Variants in GZMH observed in about 807,000 individuals in gnomAD.
GZMH encodes the protein granzyme H.
Under a neutral mutation model 20.7 loss-of-function variants are expected in GZMH, and 24 were observed. The observed-to-expected ratio is 1.16, with a 90% CI of 0.84 to 1.63. The LOEUF (loss-of-function observed/expected upper bound fraction) is 1.63, where lower values mean the gene tolerates loss of function less well. Ranked by LOEUF, GZMH falls within the 40% of genes most tolerant of loss-of-function variation. The probability of loss-of-function intolerance (pLI) is 0.00; values close to 1 mark genes in which losing one functional copy is unlikely to be tolerated. For synonymous variants in GZMH, 119 were observed against 116.1 expected (o/e 1.02, Z -0.16); for missense variants, 344 against 302.7 (o/e 1.14, Z -1.01).
In GZMH at chr14:24,607,346, C is replaced by A. The variant is rs2138479582; in HGVS notation, c.400G>T (p.Ala134Ser). Residue 134 changes from alanine to serine, a missense_variant, in exon 4 of 5, where the codon GCC (alanine) becomes TCC (serine). Ala to Ser is a moderately conservative substitution (Grantham distance 99). Coordinates refer to ENST00000216338, the MANE Select transcript of GZMH (RefSeq NM_033423.5). ...VRPLRLPSSK[A>S]QVKPGQLCSV... ...CACAGCTGCCCTGGCTTCACCTGGG[C>A]CTTGCTGCTAGGTAGCCTGAGAGGC... The A allele has an allele frequency of 1.9e-6, 3 of 1,611,856 alleles. No homozygotes were observed. The South Asian group carries it at 3.3e-5, about 18-fold the overall frequency.
chr14:24,609,512 A>C, intron 1 of GZMH, 47 bp downstream of exon 1: 53 of 1,191,752 alleles, frequency 4.4e-5, no homozygotes, highest in Non-Finnish European at 5.4e-5. Flanking sequence ...GGTACAGGGT[A>C]TCTTATAAGA....
chr14:24,606,608 G>T lies in GZMH; in HGVS notation c.736C>A (p.Leu246Ile), dbSNP rs748821164. ...LPWIKRTMKR[L>I] Reference sequence around the variant, plus strand: ...GGTTAGTCTCATGCCTGCTGTTAGAGGCGCTTCATTGTTCTCTTTATCCAG... The same window carrying T: ...GGTTAGTCTCATGCCTGCTGTTAGATGCGCTTCATTGTTCTCTTTATCCAG... The change falls in exon 5 of 5, where the codon CTC becomes ATC. Residue 246 changes from leucine to isoleucine, a missense_variant. Coordinates refer to ENST00000216338, the MANE Select transcript of GZMH (RefSeq NM_033423.5). The T allele has an allele frequency of 6.2e-7, 1 of 1,613,062 alleles. No individual in the cohort carries two copies.
In GZMH at chr14:24,607,182, C is replaced by T. The variant is rs2066875356; in HGVS notation, c.564G>A (p.Val188=). Residue 188 remains valine (V), a synonymous_variant, in exon 4 of 5, where the codon GTG becomes GTA. Transcript: ENST00000216338. ...CGGTCTGTGTCTTCTTTGGATCCCC[C>T]ACACAAATCTCAGTGGCTCTGCTGT... The part of the protein sequence containing the change: ...GNYSRATEIC[V]GDPKKTQTGF... The T allele has an allele frequency of 3.1e-6, 5 of 1,613,908 alleles. No homozygotes were observed. Among genetic ancestry groups the T allele is most frequent in the Admixed American group, 1.7e-5 (1 of 60,022 alleles).
rs767704633 is a variant in GZMH at position 24,606,733 on chromosome 14, C to A, written c.611G>T (p.Gly204Val). 1 of 1,613,386 alleles carries A rather than the reference C, an allele frequency of 6.2e-7. No homozygotes were observed. The highest frequency in any genetic ancestry group is 8.5e-7 in the Non-Finnish European group (1 of 1,179,700). The change falls in exon 5 of 5, where the codon GGG becomes GTG. Residue 204 changes from glycine to valine, a missense_variant. Physicochemically the swap from Gly to Val is moderately radical, Grantham distance 109 (BLOSUM62 -3). Coordinates refer to ENST00000216338, the MANE Select transcript of GZMH (RefSeq NM_033423.5). ...GGCTACGTCCTTACACACGAGGGGC[C>A]CCCCGGAGTCCCCCTGTGAACAGAG... ...TQTGFKGDSG[G>V]PLVCKDVAQG...
intron 4 of GZMH, 34 bp downstream of exon 4, chr14:24,607,115 T>A (rs775618039): frequency 1.9e-6 from 3 of 1,594,196 alleles, no homozygotes; most frequent in African/African-American, 1.3e-5. Context: ...CCTCTCTCCC[T>A]GTGGTCTTTC....
At position 24,607,596 on chromosome 14, in the gene GZMH, C is replaced by G; in HGVS notation, c.339+16G>C. 1 of 1,611,874 alleles carries G rather than the reference C, an allele frequency of 6.2e-7. No homozygotes were observed. Among genetic ancestry groups the G allele is most frequent in the East Asian group, 2.2e-5 (1 of 44,884 alleles). On this transcript the variant is annotated intron_variant, in intron 3 of 4. Coordinates refer to ENST00000216338, the MANE Select transcript of GZMH (RefSeq NM_033423.5). ...ACTGGACCAAGAAGAGCAAGAGTGG[C>G]AGGAGTGTGCCTCACCTGCAGTAGC... is the stretch of plus-strand genomic sequence containing the variant.
At chr14:24,609,117 T>C (rs901342793) in intron 1 of GZMH, among the ~76,000 whole-genome samples, 9 of 152,202 alleles carry the variant, frequency 5.9e-5, no homozygotes, top group Admixed American at 2.6e-4. Flanking sequence ...TTGCCATCTC[T>C]GAGATCAGTT....
intron 1 of GZMH, 25 bp downstream of exon 1, chr14:24,609,534 C>A (rs373901369): frequency 1.9e-6 from 3 of 1,564,216 alleles, no homozygotes. Context: ...GGGTTCAGGC[C>A]TCTGGAATAG....
chr14:24,608,256 G>T lies in GZMH; in HGVS notation c.203+9C>A, dbSNP rs750675773. 5.6e-6 allele frequency: 9 copies of T among 1,613,900 alleles called. No homozygotes were observed. Among genetic ancestry groups the T allele is most frequent in the Admixed American group, 3.3e-5 (2 of 60,004 alleles). Reference sequence around the variant, plus strand: ...GGAACTCAGGAGGTGAGCTGGTGCTGCTCCTTACCTTCCCTGGCAGTGAGC... The same window carrying T: ...GGAACTCAGGAGGTGAGCTGGTGCTTCTCCTTACCTTCCCTGGCAGTGAGC... On this transcript the variant is annotated intron_variant, in intron 2 of 4. Coordinates refer to ENST00000216338, the MANE Select transcript of GZMH (RefSeq NM_033423.5).
chr14:24,607,464 CA>C (rs1287694936), intron 3 of GZMH, 58 bp from the exon 4 acceptor site: 42 of 1,575,768 alleles, frequency 2.7e-5, no homozygotes, highest in Non-Finnish European at 3.6e-5. Context: ...GGCCCCGACA[CA>C]GTGATGGGGC....
rs777783341 is a variant in GZMH, at chr14:24,609,657, C to A, written c.-44G>T. 2 of 1,459,202 alleles carry A rather than the reference C, an allele frequency of 1.4e-6. No individual in the cohort carries two copies. The highest frequency in any genetic ancestry group is 1.2e-5 in the South Asian group (1 of 84,732). The allele number at this position is 1,459,202 out of a possible 1,614,324, so 90.4% of individuals were successfully genotyped here. ...CAGGTCAGAGCTGTTGGTGTTGACT[C>A]CTTCCAGAAACAAATGCTGGAGGGA... is the stretch of plus-strand genomic sequence containing the variant. On this transcript the variant is annotated 5_prime_UTR_variant, in exon 1 of 5. Coordinates refer to ENST00000216338, the MANE Select transcript of GZMH (RefSeq NM_033423.5).
Position 24,607,361 on chromosome 14 carries a change from G to T in GZMH, c.385C>A (p.Leu129Ile). Residue 129 changes from leucine to isoleucine, a missense_variant, in exon 4 of 5, where the codon CTA becomes ATA. Physicochemically the swap from Leu to Ile is conservative, Grantham distance 5 (BLOSUM62 2). Transcript: ENST00000216338. ...TTCACCTGGGCCTTGCTGCTAGGTA[G>T]CCTGAGAGGCCGCACAGCTGTGGTC... The part of the protein sequence containing the change: ...KWTTAVRPLR[L>I]PSSKAQVKPG... 6.2e-7 allele frequency: 1 copy of T among 1,609,014 alleles called. No individual in the cohort carries two copies. Among genetic ancestry groups the T allele is most frequent in the East Asian group, 2.2e-5 (1 of 44,704 alleles).
At chr14:24,608,527 G>A (rs1365784680) in intron 1 of GZMH, 115 bp from the exon 2 acceptor site, 4 of 1,170,244 alleles carry the variant, frequency 3.4e-6, no homozygotes, top group Non-Finnish European at 5.0e-6. Context: ...CAGTGAGGGA[G>A]GGGTCCTCCT....
chr14:24,607,800 A>T (rs945999217), intron 2 of GZMH, 53 bp from the exon 3 acceptor site: 5 of 1,613,240 alleles, frequency 3.1e-6, no homozygotes, highest in Admixed American at 1.7e-5. Context: ...GATAGAGCCC[A>T]GGAGCAGTGA....
At position 24,607,749 on chromosome 14, in the gene GZMH, TG is replaced by T. The variant is rs902028054; in HGVS notation, c.204-3del. Reference sequence around the variant, plus strand: ...GCCCCCAAGGTGACATTTATGGAGCTGCACAGAGAGCAGAGTGAGGATGGGG... The same window carrying T: ...GCCCCCAAGGTGACATTTATGGAGCTCACAGAGAGCAGAGTGAGGATGGGG... On this transcript the variant is annotated splice_region_variant and splice_polypyrimidine_tract_variant and intron_variant, in intron 2 of 4. Coordinates refer to ENST00000216338, the MANE Select transcript of GZMH (RefSeq NM_033423.5). 3.1e-6 allele frequency: 5 copies of T among 1,614,066 alleles called. No homozygotes were observed. Among genetic ancestry groups the T allele is most frequent in the Admixed American group, 3.3e-5 (2 of 60,014 alleles).
Position 24,608,318 on chromosome 14 carries a change from G to T in GZMH, c.150C>A (p.Gly50=). 1 of 1,614,122 alleles carries T rather than the reference G, an allele frequency of 6.2e-7. No homozygotes were observed. The highest frequency in any genetic ancestry group is 8.5e-7 in the Non-Finnish European group (1 of 1,179,998). ...CAAAGTCCTTTCTCACTAGGATGCC[G>T]CCACACCTCTTCCGACTCTTCTCTT... The part of the protein sequence containing the change: ...FLQEKSRKRC[G]GILVRKDFVL... The change falls in exon 2 of 5, where the codon GGC becomes GGA. Residue 50 remains glycine (G), a synonymous_variant. Coordinates refer to ENST00000216338, the MANE Select transcript of GZMH (RefSeq NM_033423.5).
At chr14:24,609,415 A>G in intron 1 of GZMH, 144 bp downstream of exon 1, 1 of 549,358 alleles carries the variant, frequency 1.8e-6, no homozygotes, top group East Asian at 3.0e-5. Context: ...ATCTTTGCTG[A>G]GTGTCTATCT....
rs149691716 is a variant in GZMH at position 24,608,402 on chromosome 14, G to A, written c.66C>T (p.Ile22=). 116 of 1,613,988 alleles carry A rather than the reference G, an allele frequency of 7.2e-5. No individual in the cohort carries two copies. The African/African-American group carries it at 8.7e-4, about 12-fold the overall frequency. ...AGTGGGGCTTGGCCTCATGGCCCCC[G>A]ATGATCTCCTCTGAAAGGAAAGACT... ...LTPGAGTEEI[I]GGHEAKPHSR... Residue 22 remains isoleucine (I), a synonymous_variant, in exon 2 of 5, where the codon ATC becomes ATT. Coordinates refer to ENST00000216338, the MANE Select transcript of GZMH (RefSeq NM_033423.5).
At position 24,608,263 on chromosome 14, in the gene GZMH, A is replaced by G; in HGVS notation, c.203+2T>C. ...AGGAGGTGAGCTGGTGCTGCTCCTT[A>G]CCTTCCCTGGCAGTGAGCAGCTGTC... On this transcript the variant is annotated splice_donor_variant, in intron 2 of 4. Transcript: ENST00000216338. LOFTEE classifies it high-confidence loss of function. 1 of 1,613,826 alleles carries G rather than the reference A, an allele frequency of 6.2e-7. No homozygotes were observed. Among genetic ancestry groups the G allele is most frequent in the Admixed American group, 1.7e-5 (1 of 60,004 alleles).
Sources: gnomAD v4.1 joint callset for allele counts (sites outside exome capture counted in the v4.1 genomes callset) on GRCh38, gnomAD v4.1.1 for gene constraint, MANE v1.5 for transcripts, NCBI Gene and HGNC (gene_info 2026-07-23, HGNC 2026-07-21) for gene names.